ANK2: variants seen among roughly 807,000 people sequenced by gnomAD.
ANK2 encodes the protein ankyrin-2.
In ANK2, 83 loss-of-function variants were observed where a neutral mutation model predicts 360.5. The ratio of observed to expected loss-of-function variants is 0.23; its 90% CI spans 0.19 to 0.28. ANK2 has a LOEUF of 0.28. Among genes scored for constraint, ANK2 ranks in the 10% least tolerant of loss-of-function variants. The pLI, the probability that ANK2 is intolerant of heterozygous loss-of-function variation, is 1.00. For missense variants in ANK2, 4,201 were observed against 4,795.7 expected (o/e 0.88, Z 3.66); for synonymous variants, 1,740 against 1,759.5 (o/e 0.99, Z 0.28).
chr4:113,196,676 C>T (rs1013463424), intron 3 of ANK2, among the ~76,000 whole-genome samples: 13 of 152,042 alleles, frequency 8.6e-5, no homozygotes, highest in East Asian at 1.9e-4. Flanking sequence ...TACAGGCGTG[C>T]GCCACCATGC....
At chr4:112,849,919 C>T (rs749034902) in intron 1 of ANK2, among the ~76,000 whole-genome samples, 7 of 152,252 alleles carry the variant, frequency 4.6e-5, no homozygotes, top group Non-Finnish European at 7.4e-5. Flanking sequence ...CCAATATCGG[C>T]GGGCATCCTC....
chr4:113,112,696 A>C (rs1287692029), intron 1 of ANK2, among the ~76,000 whole-genome samples: 1 of 152,174 alleles, frequency 6.6e-6, no homozygotes, highest in African/African-American at 2.4e-5. Context: ...GTTACTAGCT[A>C]GAAATTTTCT....
the ANK2 span, among the ~76,000 whole-genome samples, chr4:112,710,221 T>C: frequency 6.6e-6 from 1 of 152,242 alleles, no homozygotes; most frequent in African/African-American, 2.4e-5. Context: ...GATGCCTTAC[T>C]TTGCAATCAC....
chr4:113,264,935 G>A lies in ANK2; in HGVS notation c.1425G>A (p.Gly475=), dbSNP rs1251344600. 1.2e-5 allele frequency: 19 copies of A among 1,569,016 alleles called. No individual in the cohort carries two copies. The highest frequency in any genetic ancestry group is 1.3e-5 in the Non-Finnish European group (15 of 1,155,914). ...CACTACACATGGCAGCCCGAGCCGGGCAGGTGGAAGTGGTCCGATGCCTCC... is the reference window on the plus strand; with the variant it reads ...CACTACACATGGCAGCCCGAGCCGGACAGGTGGAAGTGGTCCGATGCCTCC... The part of the protein sequence containing the change: ...ETALHMAARA[G]QVEVVRCLLR... Residue 475 remains glycine, a synonymous_variant, in exon 14 of 46, where the codon GGG becomes GGA. Coordinates refer to ENST00000357077, the MANE Select transcript of ANK2 (RefSeq NM_001148.6).
intron 1 of ANK2, among the ~76,000 whole-genome samples, chr4:113,139,797 G>T (rs547861747): frequency 6.6e-6 from 1 of 152,266 alleles, no homozygotes; most frequent in South Asian, 2.1e-4. Flanking sequence ...AAAGAATGTT[G>T]TCCTTTATGT....
chr4:113,124,153 T>C (rs1442542321), intron 1 of ANK2, among the ~76,000 whole-genome samples: 2 of 152,146 alleles, frequency 1.3e-5, no homozygotes, highest in Non-Finnish European at 2.9e-5. Flanking sequence ...GACCACTACA[T>C]TGTGAATTTA....
At chr4:112,948,538 G>T (rs1180369806) in intron 2 of ANK2, among the ~76,000 whole-genome samples, 1 of 152,078 alleles carries the variant, frequency 6.6e-6, no homozygotes, top group Non-Finnish European at 1.5e-5. Context: ...ATGAGTAACT[G>T]CCCTGATTCA....
Position 113,353,355 on chromosome 4 carries a change from G to A in ANK2, c.4737G>A (p.Gln1579=), listed in dbSNP as rs1263302890. 4 of 1,613,984 alleles carry A rather than the reference G, an allele frequency of 2.5e-6. No homozygotes were observed. The highest frequency in any genetic ancestry group is 3.4e-6 in the Non-Finnish European group (4 of 1,179,972). ...GTCTRDESSV[Q]SSRSERGLVE... ...GCACAAGAGATGAAAGCAGTGTGCA[G>A]AGCTCTCGGTCTGAGAGAGGATTAG... Residue 1579 remains glutamine, a synonymous_variant, in exon 38 of 46, where the codon CAG becomes CAA. Coordinates refer to ENST00000357077, the MANE Select transcript of ANK2 (RefSeq NM_001148.6).
At position 112,973,995 on chromosome 4, in the gene ANK2, G is replaced by A. The variant is rs1006398729; in HGVS notation, c.21+69481G>A. Among the ~76,000 whole-genome samples the A allele has an allele frequency of 2.6e-5, 4 of 152,212 alleles. No individual in the cohort carries two copies. The South Asian group carries it at 8.3e-4, about 32-fold the overall frequency. The stretch of plus-strand genomic sequence containing the variant: ...TAAAGCAGTGCTGTACACTGACCTT[G>A]TCACTTGATTCTCTGAAACACATAA... On this transcript the variant is annotated intron_variant, in intron 2 of 30. Transcript: ENST00000503271.
intron 29 of ANK2, among the ~76,000 whole-genome samples, chr4:113,335,127 GA>G (rs1289456372): frequency 6.6e-6 from 1 of 151,430 alleles, no homozygotes; most frequent in East Asian, 2.0e-4. Flanking sequence ...AAACTAGTTT[GA>G]TTTTTTTTGT....
Position 113,279,748 on chromosome 4 carries a change from A to G in ANK2, c.1881+1190A>G, listed in dbSNP as rs1405726298. Among the ~76,000 whole-genome samples the G allele has an allele frequency of 2.7e-5, 4 of 149,908 alleles. No individual in the cohort carries two copies. The South Asian group carries it at 8.3e-4, about 31-fold the overall frequency. ...TATAACTTTGTACACATACATACAT[A>G]TACATCTACATATATTTATATCTTT... On this transcript the variant is annotated intron_variant, in intron 17 of 45. Coordinates refer to ENST00000357077, the MANE Select transcript of ANK2 (RefSeq NM_001148.6).
chr4:113,353,490 G>C lies in ANK2; in HGVS notation c.4872G>C (p.Glu1624Asp), dbSNP rs201064116. ...GTGTAGAAGTTAGAATAGATAAAGA[G>C]ATCAAAGGAAAAGTAGAGAAAGACT... Reference protein sequence around the residue: ...YPCVEVRIDKEIKGKVEKDST... With the variant: ...YPCVEVRIDKDIKGKVEKDST... The change falls in exon 38 of 46, where the codon GAG (glutamate) becomes GAC (aspartate). Residue 1624 changes from glutamate to aspartate, a missense_variant. Glu to Asp is a conservative substitution (Grantham distance 45). Around this residue, in one of 4 missense-constraint regions of ANK2, gnomAD observed 1,268 missense variants for 1,650.8 expected, o/e 0.77. Transcript: ENST00000357077. The C allele has an allele frequency of 6.2e-7, 1 of 1,614,000 alleles. No homozygotes were observed. Among genetic ancestry groups the C allele is most frequent in the African/African-American group, 1.3e-5 (1 of 75,014 alleles).
At chr4:113,004,661 G>A (rs2052102482) in intron 2 of ANK2, among the ~76,000 whole-genome samples, 1 of 152,086 alleles carries the variant, frequency 6.6e-6, no homozygotes, top group Admixed American at 6.6e-5. Context: ...AAAAAGTATG[G>A]TATAGTAAAT....
At chr4:113,156,846 A>G (rs1416739900) in intron 1 of ANK2, among the ~76,000 whole-genome samples, 1 of 150,244 alleles carries the variant, frequency 6.7e-6, no homozygotes, top group Non-Finnish European at 1.5e-5. Flanking sequence ...ACAGTAGAAC[A>G]TGAAATCATC....
At chr4:112,785,928 C>T in the ANK2 span, among the ~76,000 whole-genome samples, 2 of 152,074 alleles carry the variant, frequency 1.3e-5, no homozygotes, top group East Asian at 3.9e-4. Flanking sequence ...GCAGCCTCTG[C>T]CCGCTGGGTT....
At chr4:113,248,633 G>A (rs78386154) in intron 9 of ANK2, among the ~76,000 whole-genome samples, 52 of 152,094 alleles carry the variant, frequency 3.4e-4, no homozygotes, top group African/African-American at 1.1e-3. Context: ...AGAAATCTCC[G>A]TGTTGAGTCA....
chr4:113,052,273 A>G (rs1470508155), intron 1 of ANK2, among the ~76,000 whole-genome samples: 1 of 152,198 alleles, frequency 6.6e-6, no homozygotes, highest in Non-Finnish European at 1.5e-5. Context: ...ATTGGAGTAA[A>G]GTCAATGTCA....
At chr4:113,152,135 A>G (rs1471167435) in intron 1 of ANK2, 1 of 151,678 alleles carries the variant, frequency 6.6e-6, no homozygotes, top group Non-Finnish European at 1.5e-5. Context: ...AATGTTAAGC[A>G]TTATCTATTT....
At chr4:112,765,341 C>G in the ANK2 span, among the ~76,000 whole-genome samples, 1 of 152,154 alleles carries the variant, frequency 6.6e-6, no homozygotes. Context: ...CCTCTTTAAT[C>G]TGAACAGTTC....
Sources: allele counts gnomAD v4.1 joint callset (sites outside exome capture counted in the v4.1 genomes callset), GRCh38; gene constraint gnomAD v4.1.1; regional missense constraint gnomAD v4.1.1; transcripts MANE v1.5; gene names NCBI Gene and HGNC (gene_info 2026-07-23, HGNC 2026-07-21).